Variants in ZNF469 observed in about 807,000 individuals in gnomAD.
ZNF469 encodes the protein zinc finger protein 469.
Under a neutral mutation model 1.0 loss-of-function variants are expected in ZNF469, and 1 was observed. The ratio of observed to expected loss-of-function variants is 1.00; its 90% CI spans 0.35 to 4.73. ZNF469 has a LOEUF of 4.73. Among genes scored for constraint, ZNF469 ranks in the 30% most tolerant of loss-of-function variants. The pLI is 0.16. For missense variants in ZNF469, 6,100 were observed against 5,356.3 expected, an observed-to-expected ratio of 1.14 and a Z score of -4.33; for synonymous variants, 2,703 against 2,363.4, an observed-to-expected ratio of 1.14 and a Z score of -4.17.
At chr16:88,364,739 G>A in the ZNF469 span, among the ~76,000 whole-genome samples, 7 of 152,142 alleles carry the variant, frequency 4.6e-5, no homozygotes, top group Non-Finnish European at 7.3e-5. Context: ...CAAAGCAGGC[G>A]GATCACTTGA....
the ZNF469 span, among the ~76,000 whole-genome samples, chr16:88,261,860 T>A: frequency 5.0e-3 from 754 of 152,258 alleles, 4 homozygotes; most frequent in Non-Finnish European, 9.1e-3. The surrounding 1 kb of genome is among the most constrained non-coding windows in gnomAD (Gnocchi z 6.0). Context: ...TGTTCCCTGC[T>A]GGTGGCACAG....
upstream of ZNF469, among the ~76,000 whole-genome samples, chr16:88,381,388 TCA>T (rs59889846): frequency 2.8e-5 from 3 of 108,260 alleles, no homozygotes; most frequent in Non-Finnish European, 5.6e-5. Context: ...AGACATGCAT[TCA>T]CACACACGCA....
At chr16:88,384,059 A>G (rs1439952349) in intron 1 of ZNF469, among the ~76,000 whole-genome samples, 1 of 152,220 alleles carries the variant, frequency 6.6e-6, no homozygotes, top group Admixed American at 6.5e-5. Context: ...TCAGCTGCCA[A>G]GTCCGCTCCT....
the ZNF469 span, among the ~76,000 whole-genome samples, chr16:88,362,745 A>C: frequency 6.6e-6 from 1 of 152,142 alleles, no homozygotes; most frequent in African/African-American, 2.4e-5. Context: ...TATAGCTATA[A>C]ATTTATCTTT....
chr16:88,135,748 G>GTTTTATTCTTTTT, the ZNF469 span, among the ~76,000 whole-genome samples: 24 of 66,930 alleles, frequency 3.6e-4, 10 homozygotes, highest in Non-Finnish European at 4.2e-4. Context: ...AGCTGGCCAT[G>GTTTTATTCTTTTT]TTTTTTTTTT....
chr16:88,236,703 C>T, the ZNF469 span, among the ~76,000 whole-genome samples: 1 of 152,220 alleles, frequency 6.6e-6, no homozygotes, highest in South Asian at 2.1e-4. Flanking sequence ...CCCATCTCTA[C>T]TAAAAATACA....
chr16:88,225,563 C>T, the ZNF469 span, among the ~76,000 whole-genome samples: 114 of 151,744 alleles, frequency 7.5e-4, no homozygotes, highest in African/African-American at 2.7e-3. Context: ...GGAGGAGCCG[C>T]CCATGCCCTC....
chr16:88,227,823 G>A, the ZNF469 span, among the ~76,000 whole-genome samples: 1 of 152,202 alleles, frequency 6.6e-6, no homozygotes, highest in Non-Finnish European at 1.5e-5. Flanking sequence ...GCATCAAGGA[G>A]CCGGCCCAGG....
Position 88,433,242 on chromosome 16 carries a change from G to A in ZNF469, c.5772G>A (p.Glu1924=). ...AAGATGGCATCCTGGGCTTGCAGGA[G>A]CTGACACCTGCTGCCCAGAGCCCTC... ...KSKDGILGLQ[E]LTPAAQSPPR... The change falls in exon 3 of 3, where the codon GAG becomes GAA. Residue 1924 remains glutamate, a synonymous_variant. Coordinates refer to ENST00000565624, the MANE Select transcript of ZNF469 (RefSeq NM_001367624.2). 2 of 1,550,226 alleles carry A rather than the reference G, an allele frequency of 1.3e-6. No individual in the cohort carries two copies. Among genetic ancestry groups the A allele is most frequent in the Non-Finnish European group, 1.7e-6 (2 of 1,146,926 alleles).
At chr16:88,126,426 T>TTG in the ZNF469 span, among the ~76,000 whole-genome samples, 2 of 151,184 alleles carry the variant, frequency 1.3e-5, no homozygotes, top group Non-Finnish European at 2.9e-5. Context: ...GCTCTAGACT[T>TTG]TACAGAGATG....
chr16:88,387,842 G>A lies in ZNF469; in HGVS notation c.-192+4588G>A, dbSNP rs781332459. On this transcript the variant is annotated intron_variant, in intron 1 of 2. Transcript: ENST00000565624. ...TGAAGCAAGAGGAGCTCTGCCCCCC[G>A]CCGTGGAGGAACCAGGAGCAAAGGG... 7.2e-5 allele frequency among the ~76,000 whole-genome samples: 11 copies of A among 152,244 alleles called. No homozygotes were observed. In the South Asian group the frequency reaches 1.5e-3, roughly 20 times the overall value.
the ZNF469 span, among the ~76,000 whole-genome samples, chr16:88,142,138 G>A: frequency 3.2e-4 from 48 of 152,218 alleles, no homozygotes; most frequent in Admixed American, 1.1e-3. Flanking sequence ...CCAAGGGTGC[G>A]TCCAGGGTGA....
upstream of ZNF469, among the ~76,000 whole-genome samples, chr16:88,380,855 C>T (rs1201041095): frequency 6.7e-6 from 1 of 150,204 alleles, no homozygotes; most frequent in African/African-American, 2.5e-5. Context: ...CATGCACTCA[C>T]ATGCACTCAC....
chr16:88,316,093 G>C, the ZNF469 span, among the ~76,000 whole-genome samples: 1 of 152,250 alleles, frequency 6.6e-6, no homozygotes, highest in Non-Finnish European at 1.5e-5. Flanking sequence ...TGGGCAGAGA[G>C]CAGGGCCGGC....
At chr16:88,385,474 A>G (rs979340855) in intron 1 of ZNF469, among the ~76,000 whole-genome samples, 1 of 148,702 alleles carries the variant, frequency 6.7e-6, no homozygotes. Context: ...CATCTCTACT[A>G]AAAAAAAAAT....
the ZNF469 span, among the ~76,000 whole-genome samples, chr16:88,245,998 G>T: frequency 6.6e-6 from 1 of 152,282 alleles, no homozygotes; most frequent in Non-Finnish European, 1.5e-5. Flanking sequence ...CAGAGAGGAC[G>T]CATCCGCCTG....
At chr16:88,121,610 A>C in the ZNF469 span, among the ~76,000 whole-genome samples, 2 of 152,212 alleles carry the variant, frequency 1.3e-5, no homozygotes, top group African/African-American at 4.8e-5. Flanking sequence ...TTGAGTAGGC[A>C]AAATTCCATA....
At chr16:88,186,203 G>T in the ZNF469 span, among the ~76,000 whole-genome samples, 1 of 152,228 alleles carries the variant, frequency 6.6e-6, no homozygotes, top group African/African-American at 2.4e-5. Flanking sequence ...CCTTTCTTCC[G>T]GGAGGCCAAG....
chr16:88,346,562 A>G, the ZNF469 span, among the ~76,000 whole-genome samples: 1 of 152,248 alleles, frequency 6.6e-6, no homozygotes, highest in African/African-American at 2.4e-5. Context: ...GCTGTTGCCC[A>G]GGCTGGAGTG....
Sources: allele counts gnomAD v4.1 joint callset (sites outside exome capture counted in the v4.1 genomes callset), GRCh38; gene constraint gnomAD v4.1.1; non-coding constraint Gnocchi (gnomAD v3.1); transcripts MANE v1.5; gene names NCBI Gene and HGNC (gene_info 2026-07-23, HGNC 2026-07-21).